Variants in TBC1D22A observed in about 807,000 individuals in gnomAD.
The protein encoded by TBC1D22A is putative GTPase activator.
A neutral mutation model predicts 60.2 loss-of-function variants in TBC1D22A; 38 were observed. The observed-to-expected ratio is 0.63, with a 90% CI of 0.49 to 0.83. The LOEUF (loss-of-function observed/expected upper bound fraction) is 0.83. Among genes scored for constraint, TBC1D22A ranks in the 40% least tolerant of loss-of-function variants. The pLI, the probability that TBC1D22A is intolerant of heterozygous loss-of-function variation, is 0.00. For missense variants in TBC1D22A, 628 were observed against 701.0 expected, an observed-to-expected ratio of 0.90 and a Z score of 1.18; for synonymous variants, 302 against 281.7, an observed-to-expected ratio of 1.07 and a Z score of -0.72.
intron 10 of TBC1D22A, among the ~76,000 whole-genome samples, chr22:47,014,305 T>C (rs1458835136): frequency 1.3e-5 from 2 of 152,188 alleles, no homozygotes; most frequent in African/African-American, 4.8e-5. Context: ...TTGACTCTTC[T>C]GTGGTTTTTG....
intron 12 of TBC1D22A, among the ~76,000 whole-genome samples, chr22:47,147,695 A>G (rs569438111): frequency 1.3e-5 from 2 of 152,288 alleles, no homozygotes; most frequent in African/African-American, 4.8e-5. Flanking sequence ...CCGGGCTGGG[A>G]GTGAGCCCCG....
At chr22:46,925,848 A>G (rs545270564) in intron 8 of TBC1D22A, among the ~76,000 whole-genome samples, 3 of 152,308 alleles carry the variant, frequency 2.0e-5, no homozygotes, top group South Asian at 2.1e-4. Context: ...ACTGCACCCA[A>G]CAGCAGCAGG....
At chr22:47,134,808 C>A (rs933196638) in intron 12 of TBC1D22A, among the ~76,000 whole-genome samples, 4 of 152,106 alleles carry the variant, frequency 2.6e-5, no homozygotes, top group African/African-American at 9.7e-5. Flanking sequence ...AACCGAGCAC[C>A]CCCAAATTGA....
intron 5 of TBC1D22A, among the ~76,000 whole-genome samples, chr22:46,881,783 C>T (rs1047898822): frequency 2.6e-5 from 4 of 152,172 alleles, no homozygotes; most frequent in Non-Finnish European, 5.9e-5. Flanking sequence ...GGTTCTTTTT[C>T]CGGGAACAAG....
intron 11 of TBC1D22A, among the ~76,000 whole-genome samples, chr22:47,096,027 C>G (rs577172604): frequency 6.6e-6 from 1 of 152,204 alleles, no homozygotes; most frequent in East Asian, 1.9e-4. Flanking sequence ...GGTCTTTTTG[C>G]TTTTTTTAAT....
intron 4 of TBC1D22A, among the ~76,000 whole-genome samples, chr22:46,829,812 G>T (rs1360726402): frequency 1.3e-5 from 2 of 152,140 alleles, no homozygotes; most frequent in Non-Finnish European, 2.9e-5. Context: ...TTTCCTGTTT[G>T]GGGGCCGGAG....
intron 4 of TBC1D22A, among the ~76,000 whole-genome samples, chr22:46,823,784 G>A (rs1602022483): frequency 1.3e-5 from 2 of 152,222 alleles, no homozygotes; most frequent in East Asian, 3.9e-4. Context: ...AGCACTTCTG[G>A]GGTAAGAGCC....
At chr22:46,780,043 C>T (rs905165292) in intron 1 of TBC1D22A, among the ~76,000 whole-genome samples, 3 of 152,224 alleles carry the variant, frequency 2.0e-5, no homozygotes, top group South Asian at 4.1e-4. Context: ...TCCTCCAAAG[C>T]TCCTAGAGTT....
intron 9 of TBC1D22A, among the ~76,000 whole-genome samples, chr22:46,976,567 A>G (rs2074304256): frequency 6.6e-6 from 1 of 152,188 alleles, no homozygotes; most frequent in South Asian, 2.1e-4. Context: ...CAACACGCAG[A>G]CCGGCGTGTC....
intron 1 of TBC1D22A, chr22:46,789,235 C>T (rs796557805): frequency 1.4e-4 from 38 of 264,448 alleles, no homozygotes; most frequent in African/African-American, 7.9e-4. Flanking sequence ...ACGCCATTCT[C>T]CTGCCTCAGC....
At chr22:47,108,095 A>G (rs1367772417) in intron 11 of TBC1D22A, among the ~76,000 whole-genome samples, 5 of 152,256 alleles carry the variant, frequency 3.3e-5, no homozygotes, top group Non-Finnish European at 7.3e-5. Context: ...GGGAGAAAAC[A>G]TTTGCAAAGC....
chr22:47,164,065 C>T (rs557322179), intron 12 of TBC1D22A, among the ~76,000 whole-genome samples: 1 of 152,238 alleles, frequency 6.6e-6, no homozygotes, highest in Non-Finnish European at 1.5e-5. Context: ...GTGTCTCTGA[C>T]GCTGCTGTGC....
intron 12 of TBC1D22A, among the ~76,000 whole-genome samples, chr22:47,153,077 T>C (rs116163090): frequency 0.021 from 3,134 of 152,314 alleles, 87 homozygotes; most frequent in African/African-American, 0.072. Flanking sequence ...TTCTGTCTTC[T>C]CTGCTGTCTG....
intron 8 of TBC1D22A, among the ~76,000 whole-genome samples, chr22:46,926,515 C>G (rs2071057584): frequency 6.6e-6 from 1 of 152,130 alleles, no homozygotes; most frequent in African/African-American, 2.4e-5. Context: ...TAATTTTGTG[C>G]TGACTTGGCT....
intron 4 of TBC1D22A, among the ~76,000 whole-genome samples, chr22:46,872,618 T>C (rs1031150466): frequency 4.1e-4 from 63 of 152,296 alleles, no homozygotes; most frequent in East Asian, 3.9e-4. Context: ...CAATTTGCAA[T>C]TGAATGCAGT....
At chr22:47,116,857 C>G (rs1334071416) in intron 12 of TBC1D22A, 1 of 152,528 alleles carries the variant, frequency 6.6e-6, no homozygotes. Flanking sequence ...GCTTCACAGC[C>G]TCAGCTGGTC....
intron 12 of TBC1D22A, among the ~76,000 whole-genome samples, chr22:47,142,132 G>C (rs1431084099): frequency 6.6e-6 from 1 of 152,088 alleles, no homozygotes; most frequent in Non-Finnish European, 1.5e-5. Context: ...GTAGGAAGAT[G>C]GGACCTGTGG....
Position 46,792,520 on chromosome 22 carries a change from C to T in TBC1D22A, c.63C>T (p.Ser21=). ...WKRSNSKLPG[S]IQHVYGAQHP... ...TGGTTTTCCTTTTCTTTTCCATCAG[C>T]ATCCAGCACGTGTATGGTGCCCAGC... Residue 21 remains serine (S), a splice_region_variant and synonymous_variant, in exon 2 of 13, where the codon AGC becomes AGT. Transcript: ENST00000337137. 1.2e-6 allele frequency: 2 copies of T among 1,614,214 alleles called. No homozygotes were observed. Among genetic ancestry groups the T allele is most frequent in the South Asian group, 2.2e-5 (2 of 91,086 alleles).
At position 46,990,493 on chromosome 22, in the gene TBC1D22A, T is replaced by C. The variant is rs2074897610; in HGVS notation, c.1126-7141T>C. On this transcript the variant is annotated intron_variant, in intron 9 of 12. Coordinates refer to ENST00000337137, the MANE Select transcript of TBC1D22A (RefSeq NM_014346.5). The surrounding 1 kb of genome is among the most constrained non-coding windows in gnomAD (Gnocchi z 4.6). Reference sequence around the variant, plus strand: ...CTTCAGTGTGGCATATGTGTTACAATTGAGGAGCCAATATCGATACATTAT... The same window carrying C: ...CTTCAGTGTGGCATATGTGTTACAACTGAGGAGCCAATATCGATACATTAT... Among the ~76,000 whole-genome samples, 1 of 152,156 alleles carries C rather than the reference T, an allele frequency of 6.6e-6. No homozygotes were observed. The highest frequency in any genetic ancestry group is 6.5e-5 in the Admixed American group (1 of 15,282).
Sources: allele counts gnomAD v4.1 joint callset (sites outside exome capture counted in the v4.1 genomes callset), GRCh38; gene constraint gnomAD v4.1.1; non-coding constraint Gnocchi (gnomAD v3.1); transcripts MANE v1.5; gene names NCBI Gene and HGNC (gene_info 2026-07-23, HGNC 2026-07-21).